The following EBF1 variants were observed in gnomAD, a reference collection of about 807,000 sequenced individuals.
The protein encoded by EBF1 is EBF transcription factor 1, also known as transcription factor COE1.
EBF1 carries 10 observed loss-of-function variants against 68.4 expected under a neutral mutation model. That is an observed-to-expected ratio of 0.15 (90% CI 0.09 to 0.25). The LOEUF is 0.25. Among genes scored for constraint, EBF1 ranks in the 10% least tolerant of loss-of-function variants. EBF1 has a pLI of 1.00. For synonymous variants in EBF1, 298 were observed against 299.8 expected (o/e 0.99, Z 0.06); for missense variants, 509 against 794.4 (o/e 0.64, Z 4.32).
intron 6 of EBF1, among the ~76,000 whole-genome samples, chr5:158,863,956 G>A (rs571653828): frequency 1.1e-3 from 160 of 150,964 alleles, no homozygotes; most frequent in African/African-American, 3.8e-3. Context: ...CAGGGGCCAG[G>A]TGTGGTGGCT....
intron 6 of EBF1, among the ~76,000 whole-genome samples, chr5:158,856,753 T>C (rs1794096418): frequency 6.6e-6 from 1 of 152,196 alleles, no homozygotes; most frequent in African/African-American, 2.4e-5. Context: ...ATTTAGTAAC[T>C]TGCCTGCCAA....
At chr5:158,877,284 T>C (rs1316370498) in intron 6 of EBF1, among the ~76,000 whole-genome samples, 1 of 152,224 alleles carries the variant, frequency 6.6e-6, no homozygotes, top group Non-Finnish European at 1.5e-5. Flanking sequence ...ACTAGGTGCA[T>C]GCCCCTGAAT....
At chr5:159,087,273 C>T (rs144202976) in intron 4 of EBF1, among the ~76,000 whole-genome samples, 1 of 146,910 alleles carries the variant, frequency 6.8e-6, no homozygotes, top group Non-Finnish European at 1.5e-5. Context: ...TATATACACA[C>T]ACACATATAT....
At chr5:158,792,274 G>T (rs1253457657) in intron 9 of EBF1, among the ~76,000 whole-genome samples, 1 of 152,170 alleles carries the variant, frequency 6.6e-6, no homozygotes, top group Non-Finnish European at 1.5e-5. Flanking sequence ...TAAAGAAAGA[G>T]GAAGGGGGCA....
At chr5:158,707,533 C>A in intron 15 of EBF1, 1 of 241,074 alleles carries the variant, frequency 4.1e-6, no homozygotes, top group Non-Finnish European at 8.3e-6. Context: ...TTCACTCTGA[C>A]ACAGGCAACA....
At chr5:158,824,097 T>G (rs1785478945) in intron 7 of EBF1, among the ~76,000 whole-genome samples, 2 of 152,186 alleles carry the variant, frequency 1.3e-5, no homozygotes. Flanking sequence ...ACGCTTCTCC[T>G]TATATTAAAT....
intron 6 of EBF1, among the ~76,000 whole-genome samples, chr5:158,860,538 T>A (rs1316779062): frequency 6.6e-6 from 1 of 152,186 alleles, no homozygotes; most frequent in African/African-American, 2.4e-5. Flanking sequence ...CTCTCACGAT[T>A]TCCACTGAGA....
At chr5:159,003,972 T>G (rs1337124625) in intron 6 of EBF1, among the ~76,000 whole-genome samples, 1 of 152,210 alleles carries the variant, frequency 6.6e-6, no homozygotes, top group Admixed American at 6.5e-5. Context: ...AATCATCATT[T>G]GGCTTTAAAA....
At chr5:158,896,848 GA>G (rs1012986486) in intron 6 of EBF1, among the ~76,000 whole-genome samples, 2 of 150,912 alleles carry the variant, frequency 1.3e-5, no homozygotes, top group African/African-American at 4.9e-5. Flanking sequence ...TGGAAGATCA[GA>G]AAAAAAAACT....
chr5:158,935,151 C>T (rs563314209), intron 6 of EBF1, among the ~76,000 whole-genome samples: 12 of 152,296 alleles, frequency 7.9e-5, no homozygotes, highest in South Asian at 4.1e-4. Context: ...TGGAGGTGCT[C>T]GGGCAGGCAA....
chr5:158,743,411 A>G (rs899403949), intron 10 of EBF1, among the ~76,000 whole-genome samples: 11 of 152,228 alleles, frequency 7.2e-5, no homozygotes, highest in African/African-American at 2.7e-4. Flanking sequence ...AAGGTTAACC[A>G]TAAGTAACAG....
chr5:158,862,933 C>G (rs1795216680), intron 6 of EBF1, among the ~76,000 whole-genome samples: 1 of 152,218 alleles, frequency 6.6e-6, no homozygotes, highest in Admixed American at 6.5e-5. Context: ...CAGACCCTGA[C>G]TTTGATTTTG....
In EBF1 at chr5:158,696,900, T is replaced by G. The variant is rs1457921516; in HGVS notation, c.*2211A>C. 4 of 198,920 alleles carry G rather than the reference T, an allele frequency of 2.0e-5. No homozygotes were observed. The highest frequency in any genetic ancestry group is 4.1e-5 in the Non-Finnish European group (4 of 96,398). The allele number at this position is 198,920 out of a possible 1,614,324, so 12.3% of individuals were successfully genotyped here. On this transcript the variant is annotated 3_prime_UTR_variant, in exon 16 of 16. Coordinates refer to ENST00000313708, the MANE Select transcript of EBF1 (RefSeq NM_024007.5). ...TTTTGTGCTTTTCGATTTCTTTGTT[T>G]TTTTTTTTTTCTTTTTTTCTTTTTC...
intron 6 of EBF1, among the ~76,000 whole-genome samples, chr5:159,004,581 C>T (rs1387846975): frequency 6.6e-6 from 1 of 152,054 alleles, no homozygotes; most frequent in Non-Finnish European, 1.5e-5. Context: ...TAATCAAAGT[C>T]TTTCAGAGTC....
At chr5:158,811,810 T>C (rs1034110866) in intron 8 of EBF1, among the ~76,000 whole-genome samples, 1 of 152,178 alleles carries the variant, frequency 6.6e-6, no homozygotes, top group African/African-American at 2.4e-5. Context: ...TTCTCAAAAA[T>C]GGATCTCAGA....
At chr5:159,080,563 C>T (rs1284503506) in intron 5 of EBF1, among the ~76,000 whole-genome samples, 1 of 152,206 alleles carries the variant, frequency 6.6e-6, no homozygotes, top group Non-Finnish European at 1.5e-5. Context: ...CTTTTATCCT[C>T]ATTCACACCA....
Position 158,696,384 on chromosome 5 carries a change from C to CTCTT in EBF1, c.*2723_*2726dup, listed in dbSNP as rs1176591829. On this transcript the variant is annotated 3_prime_UTR_variant, in exon 16 of 16. Transcript: ENST00000313708. ...ACACAAATTATACACATTTTAAAGG[C>CTCTT]TCTTTGGACTTTCAAGAAGAGTTCT... 1.4e-5 allele frequency: 3 copies of CTCTT among 221,558 alleles called. No homozygotes were observed. The highest frequency in any genetic ancestry group is 1.3e-4 in the East Asian group (2 of 15,344). 13.7% of individuals were successfully genotyped at this position (221,558 alleles called of 1,614,324 possible). A position where few individuals can be genotyped will look rare whatever the true frequency, so the allele number is the denominator to read the frequency against.
intron 6 of EBF1, among the ~76,000 whole-genome samples, chr5:158,842,165 G>C (rs375990577): frequency 6.6e-6 from 1 of 152,222 alleles, no homozygotes; most frequent in African/African-American, 2.4e-5. Flanking sequence ...GGTAAAGGAA[G>C]GGGGGTTAAG....
chr5:158,986,825 T>C (rs1759190479), intron 6 of EBF1: 2 of 152,236 alleles, frequency 1.3e-5, no homozygotes, highest in South Asian at 4.1e-4. Flanking sequence ...CAACCAAATA[T>C]TAGTAATTAT....
Sources: gnomAD v4.1 joint callset for allele counts (sites outside exome capture counted in the v4.1 genomes callset) on GRCh38, gnomAD v4.1.1 for gene constraint, MANE v1.5 for transcripts, NCBI Gene and HGNC (gene_info 2026-07-23, HGNC 2026-07-21) for gene names.